Variants in UVRAG observed in about 807,000 individuals in gnomAD.
The protein encoded by UVRAG is UV radiation resistance-associated gene protein.
In UVRAG, 19 loss-of-function variants were observed where a neutral mutation model predicts 78.0. That is an observed-to-expected ratio of 0.24 (90% CI 0.17 to 0.36). UVRAG has a LOEUF of 0.36. UVRAG is among the 10% of genes least tolerant of loss of function. The pLI, the probability that UVRAG is intolerant of heterozygous loss-of-function variation, is 1.00. For synonymous variants in UVRAG, 323 were observed against 324.6 expected (o/e 1.00, Z 0.05); for missense variants, 740 against 853.8 (o/e 0.87, Z 1.66).
chr11:75,937,191 A>G (rs1948389939), intron 6 of UVRAG, among the ~76,000 whole-genome samples: 1 of 152,184 alleles, frequency 6.6e-6, no homozygotes, highest in Non-Finnish European at 1.5e-5. Flanking sequence ...AACATGGTGA[A>G]ACCCTGTCTC....
At chr11:75,871,010 C>T (rs984192632) in intron 3 of UVRAG, among the ~76,000 whole-genome samples, 1 of 151,870 alleles carries the variant, frequency 6.6e-6, no homozygotes, top group East Asian at 2.0e-4. Context: ...GCTCAGATTA[C>T]AGGCATGTGC....
At chr11:76,060,178 C>T (rs534910883) in intron 12 of UVRAG, among the ~76,000 whole-genome samples, 164 of 151,654 alleles carry the variant, frequency 1.1e-3, no homozygotes, top group Middle Eastern at 6.8e-3. Context: ...TCATGTGTTG[C>T]GTCTCTGTAG....
intron 5 of UVRAG, among the ~76,000 whole-genome samples, chr11:75,908,844 C>T (rs1177560257): frequency 1.3e-5 from 2 of 148,978 alleles, no homozygotes; most frequent in East Asian, 4.0e-4. Context: ...TCTGTTTCTT[C>T]TTGAGTCATT....
At chr11:75,871,369 C>T (rs1200560103) in intron 3 of UVRAG, among the ~76,000 whole-genome samples, 3 of 151,364 alleles carry the variant, frequency 2.0e-5, no homozygotes, top group Non-Finnish European at 4.4e-5. Flanking sequence ...TCACTGCAAC[C>T]TCTGCCTCCC....
intron 3 of UVRAG, among the ~76,000 whole-genome samples, chr11:75,870,002 A>C (rs1946617251): frequency 6.6e-6 from 1 of 152,210 alleles, no homozygotes; most frequent in South Asian, 2.1e-4. Flanking sequence ...GTGGTGGTAC[A>C]GGTCCCTGGA....
intron 14 of UVRAG, 55 bp from the exon 15 acceptor site, chr11:76,140,656 G>T (rs753409128): frequency 1.1e-5 from 17 of 1,491,254 alleles, no homozygotes; most frequent in Non-Finnish European, 1.5e-5. Flanking sequence ...GATCCAGAAG[G>T]CTTACACTGA....
At chr11:75,913,261 A>G (rs1175666374) in intron 6 of UVRAG, among the ~76,000 whole-genome samples, 1 of 152,250 alleles carries the variant, frequency 6.6e-6, no homozygotes, top group Non-Finnish European at 1.5e-5. Flanking sequence ...TAGAGAAAAC[A>G]GTAGAATTAA....
At chr11:75,946,100 G>A (rs545968665) in intron 6 of UVRAG, among the ~76,000 whole-genome samples, 2 of 152,236 alleles carry the variant, frequency 1.3e-5, no homozygotes, top group South Asian at 2.1e-4. Context: ...AGAGGGCATG[G>A]TGAACATTTA....
intron 14 of UVRAG, among the ~76,000 whole-genome samples, chr11:76,138,560 G>C (rs750738527): frequency 2.0e-5 from 3 of 152,206 alleles, no homozygotes; most frequent in Non-Finnish European, 2.9e-5. Flanking sequence ...GGCAAGCACT[G>C]CTGGGTGTGC....
intron 5 of UVRAG, among the ~76,000 whole-genome samples, chr11:75,901,615 T>C (rs1252521092): frequency 6.6e-6 from 1 of 152,188 alleles, no homozygotes; most frequent in Non-Finnish European, 1.5e-5. Context: ...TTGTCCTGAG[T>C]CCCTTCTTCT....
intron 7 of UVRAG, among the ~76,000 whole-genome samples, chr11:75,975,919 G>A (rs1949228521): frequency 6.6e-6 from 1 of 152,198 alleles, no homozygotes; most frequent in Admixed American, 6.5e-5. Flanking sequence ...TAGGAGTGGT[G>A]AAAGAGGGCA....
At chr11:76,020,649 CTTTTTT>C (rs35112254) in intron 12 of UVRAG, among the ~76,000 whole-genome samples, 2 of 52,250 alleles carry the variant, frequency 3.8e-5, no homozygotes, top group Non-Finnish European at 7.2e-5. Context: ...AAGAAGGAGT[CTTTTTT>C]TTTTTTTTTT....
chr11:75,975,631 G>A (rs1000377877), intron 7 of UVRAG, among the ~76,000 whole-genome samples: 4 of 152,150 alleles, frequency 2.6e-5, no homozygotes, highest in Admixed American at 2.6e-4. Context: ...TGAAGCAGTT[G>A]TGAATGGGAG....
intron 7 of UVRAG, among the ~76,000 whole-genome samples, chr11:75,982,915 G>A (rs1180638734): frequency 6.6e-6 from 1 of 152,098 alleles, no homozygotes; most frequent in Non-Finnish European, 1.5e-5. Context: ...ATCAGTTGGT[G>A]GACATTTGGG....
rs1249047335 is a variant in UVRAG at position 75,815,611 on chromosome 11, C to CGGGACACCCAGAGCA, written c.117+93_117+107dup. The CGGGACACCCAGAGCA allele has an allele frequency of 3.0e-5, 26 of 863,878 alleles. 3 individuals are homozygous for CGGGACACCCAGAGCA. In the Admixed American group the frequency reaches 7.8e-4, roughly 26 times the overall value. The allele number at this position is 863,878 out of a possible 1,614,324, so 53.5% of individuals were successfully genotyped here. A position where few individuals can be genotyped will look rare whatever the true frequency, so the allele number is the denominator to read the frequency against. On this transcript the variant is annotated intron_variant, in intron 1 of 14. Transcript: ENST00000356136. ...CTGGCTCCGGGCTGACCCCGCGAGC[C>CGGGACACCCAGAGCA]GGGACACCCAGAGCAGGGACCCGGA...
chr11:75,936,228 T>C (rs67886321), intron 6 of UVRAG, among the ~76,000 whole-genome samples: 29,935 of 152,150 alleles, frequency 0.2, 5,019 homozygotes, highest in African/African-American at 0.46. Context: ...CCATGTTTCT[T>C]CTCTGTGAAG....
chr11:75,935,580 G>T (rs1228088090), intron 6 of UVRAG, among the ~76,000 whole-genome samples: 4 of 152,124 alleles, frequency 2.6e-5, no homozygotes, highest in African/African-American at 9.7e-5. Flanking sequence ...CTTCCTTGTG[G>T]AAGAGTCTTG....
intron 2 of UVRAG, among the ~76,000 whole-genome samples, chr11:75,854,533 C>T (rs1946241611): frequency 6.6e-6 from 1 of 152,206 alleles, no homozygotes; most frequent in Non-Finnish European, 1.5e-5. Context: ...TCTCCTGCCT[C>T]AGCCTCCCAA....
At chr11:76,074,645 TG>T (rs1313550381) in intron 13 of UVRAG, among the ~76,000 whole-genome samples, 4 of 152,268 alleles carry the variant, frequency 2.6e-5, no homozygotes, top group African/African-American at 7.2e-5. Context: ...GCTGCTGCTA[TG>T]CTGATTTCCT....
Sources: gnomAD v4.1 joint callset for allele counts (sites outside exome capture counted in the v4.1 genomes callset) on GRCh38, gnomAD v4.1.1 for gene constraint, MANE v1.5 for transcripts, NCBI Gene and HGNC (gene_info 2026-07-23, HGNC 2026-07-21) for gene names.